The following CNTN5 variants were observed in gnomAD, a reference collection of about 807,000 sequenced individuals.
The protein encoded by CNTN5 is contactin 5.
CNTN5 carries 77 observed loss-of-function variants against 129.1 expected under a neutral mutation model. The observed-to-expected ratio is 0.60, with a 90% CI of 0.50 to 0.72. The LOEUF (loss-of-function observed/expected upper bound fraction) is 0.72. CNTN5 is among the 30% of genes least tolerant of loss of function. The pLI is 0.00. For synonymous variants in CNTN5, 509 were observed against 465.6 expected (o/e 1.09, Z -1.20); for missense variants, 1,478 against 1,328.8 (o/e 1.11, Z -1.75).
intron 2 of CNTN5, among the ~76,000 whole-genome samples, chr11:99,511,026 G>A (rs1323058082): frequency 2.0e-5 from 3 of 152,052 alleles, no homozygotes; most frequent in Non-Finnish European, 2.9e-5. Flanking sequence ...GCAGGCCTCG[G>A]CTGATGTGTT....
intron 18 of CNTN5, among the ~76,000 whole-genome samples, chr11:100,277,671 T>A (rs1001872220): frequency 3.9e-5 from 6 of 152,150 alleles, no homozygotes; most frequent in African/African-American, 9.6e-5. Flanking sequence ...GGGTTTTTTT[T>A]ATTTTTTTTC....
At chr11:99,169,372 A>ATGTG (rs71046671) in intron 1 of CNTN5, among the ~76,000 whole-genome samples, 107 of 151,080 alleles carry the variant, frequency 7.1e-4, no homozygotes, top group Admixed American at 1.8e-3. Flanking sequence ...AATAAGCTAT[A>ATGTG]TGTGTGTGTG....
At chr11:99,235,849 GT>G (rs1260512265) in intron 1 of CNTN5, among the ~76,000 whole-genome samples, 1 of 152,168 alleles carries the variant, frequency 6.6e-6, no homozygotes, top group African/African-American at 2.4e-5. Context: ...GGATTCCTGT[GT>G]TTTAGCAGAA....
chr11:99,127,931 C>G (rs1369825798), intron 1 of CNTN5, among the ~76,000 whole-genome samples: 1 of 152,086 alleles, frequency 6.6e-6, no homozygotes, highest in Non-Finnish European at 1.5e-5. Context: ...CTTCAGGGCT[C>G]TCTACTGGGC....
At chr11:99,564,089 A>G (rs1404742066) in intron 3 of CNTN5, among the ~76,000 whole-genome samples, 1 of 151,834 alleles carries the variant, frequency 6.6e-6, no homozygotes, top group African/African-American at 2.4e-5. Flanking sequence ...TTTAAAATTT[A>G]CTTATTTATT....
intron 3 of CNTN5, among the ~76,000 whole-genome samples, chr11:99,754,361 C>T (rs1192747977): frequency 6.6e-6 from 1 of 152,078 alleles, no homozygotes; most frequent in Non-Finnish European, 1.5e-5. Context: ...CAGTCTTTTC[C>T]CTCTCAAACT....
At chr11:99,239,065 T>A (rs1037109786) in intron 1 of CNTN5, among the ~76,000 whole-genome samples, 1 of 152,166 alleles carries the variant, frequency 6.6e-6, no homozygotes. Context: ...TTATTTTCAA[T>A]TTTTCATTCA....
chr11:99,636,611 C>G (rs907204868), intron 3 of CNTN5, among the ~76,000 whole-genome samples: 23 of 151,962 alleles, frequency 1.5e-4, no homozygotes, highest in Non-Finnish European at 4.4e-5. Flanking sequence ...TGGTGTCCTC[C>G]AGACCAAGTC....
At chr11:99,585,441 C>G (rs547260216) in intron 3 of CNTN5, among the ~76,000 whole-genome samples, 1 of 152,194 alleles carries the variant, frequency 6.6e-6, no homozygotes, top group Non-Finnish European at 1.5e-5. Context: ...AAACTTATAA[C>G]AATGCCACTC....
chr11:99,668,067 A>T (rs1385370907), intron 3 of CNTN5, among the ~76,000 whole-genome samples: 1 of 152,156 alleles, frequency 6.6e-6, no homozygotes, highest in Admixed American at 6.5e-5. Flanking sequence ...TGTATAACCA[A>T]CATCTTTCTC....
intron 3 of CNTN5, among the ~76,000 whole-genome samples, chr11:99,726,318 A>G (rs542146180): frequency 5.2e-4 from 79 of 152,316 alleles, no homozygotes; most frequent in Non-Finnish European, 1.0e-3. Flanking sequence ...ATTAATAGCA[A>G]AGTATTTTAT....
intron 2 of CNTN5, among the ~76,000 whole-genome samples, chr11:99,529,056 C>T (rs748653642): frequency 3.9e-5 from 6 of 152,090 alleles, no homozygotes; most frequent in Non-Finnish European, 8.8e-5. Context: ...GCCTGGGCAA[C>T]AAGAGTGAAA....
At chr11:100,045,464 C>G (rs71474548) in intron 9 of CNTN5, among the ~76,000 whole-genome samples, 210 of 152,148 alleles carry the variant, frequency 1.4e-3, no homozygotes, top group African/African-American at 3.4e-3. Flanking sequence ...GTAATTTTGT[C>G]TTTTACCATG....
intron 17 of CNTN5, among the ~76,000 whole-genome samples, chr11:100,258,540 A>T (rs1490192246): frequency 6.6e-6 from 1 of 152,202 alleles, no homozygotes; most frequent in Non-Finnish European, 1.5e-5. Context: ...GCCAGAGAGA[A>T]ATGTCAGGTT....
intron 2 of CNTN5, among the ~76,000 whole-genome samples, chr11:99,479,267 T>A (rs2135305231): frequency 1.5e-5 from 1 of 68,898 alleles, no homozygotes; most frequent in Middle Eastern, 6.8e-3. Flanking sequence ...CCCTTCACAC[T>A]TTTTTTTTTA....
chr11:100,045,102 T>G (rs1274195905), intron 9 of CNTN5, among the ~76,000 whole-genome samples: 1 of 148,232 alleles, frequency 6.7e-6, no homozygotes, highest in Non-Finnish European at 1.5e-5. Flanking sequence ...ACCCAAAGCC[T>G]TGTCTTCCAT....
intron 7 of CNTN5, among the ~76,000 whole-genome samples, chr11:99,949,099 T>C (rs949843065): frequency 5.3e-5 from 8 of 152,198 alleles, no homozygotes; most frequent in Non-Finnish European, 1.2e-4. Flanking sequence ...GTTAGCTTTA[T>C]TTTTTTCTCC....
At chr11:100,177,390 C>G (rs568983243) in intron 13 of CNTN5, among the ~76,000 whole-genome samples, 23 of 152,208 alleles carry the variant, frequency 1.5e-4, no homozygotes, top group African/African-American at 4.1e-4. Flanking sequence ...TTGTCTAACT[C>G]TTCCTTTCAC....
intron 2 of CNTN5, among the ~76,000 whole-genome samples, chr11:99,532,006 A>G (rs1454145053): frequency 6.6e-6 from 1 of 152,040 alleles, no homozygotes; most frequent in Non-Finnish European, 1.5e-5. Flanking sequence ...GAAGAGGGCC[A>G]CTGTCCTCCA....
Sources: gnomAD v4.1 joint callset for allele counts (sites outside exome capture counted in the v4.1 genomes callset) on GRCh38, gnomAD v4.1.1 for gene constraint, MANE v1.5 for transcripts, NCBI Gene and HGNC (gene_info 2026-07-23, HGNC 2026-07-21) for gene names.